The following HSD11B1 variants were observed in gnomAD, a reference collection of about 807,000 sequenced individuals.
The protein encoded by HSD11B1 is 11-beta-hydroxysteroid dehydrogenase 1.
Under a neutral mutation model 22.1 loss-of-function variants are expected in HSD11B1, and 15 were observed. The ratio of observed to expected loss-of-function variants is 0.68; its 90% CI spans 0.45 to 1.04. The LOEUF (loss-of-function observed/expected upper bound fraction) is 1.04, where lower values mean the gene tolerates loss of function less well. Ranked by LOEUF, HSD11B1 falls within the 50% of genes least tolerant of loss-of-function variation. HSD11B1 has a pLI of 0.00. For missense variants in HSD11B1, 281 were observed against 357.6 expected (o/e 0.79, Z 1.73); for synonymous variants, 122 against 125.2 (o/e 0.97, Z 0.17).
intron 1 of HSD11B1, among the ~76,000 whole-genome samples, chr1:209,695,455 G>T (rs1338161194): frequency 6.6e-6 from 1 of 152,164 alleles, no homozygotes; most frequent in Non-Finnish European, 1.5e-5. Context: ...TTGAAATAGA[G>T]ATCAATGGGA....
At chr1:209,724,404 G>A (rs953074650) in intron 4 of HSD11B1, among the ~76,000 whole-genome samples, 1 of 152,184 alleles carries the variant, frequency 6.6e-6, no homozygotes, top group Non-Finnish European at 1.5e-5. Flanking sequence ...TGGCCTCCCA[G>A]TGTCAGCCCC....
At chr1:209,698,199 A>C (rs2076804807) in intron 1 of HSD11B1, among the ~76,000 whole-genome samples, 2 of 151,628 alleles carry the variant, frequency 1.3e-5, no homozygotes, top group South Asian at 4.2e-4. Context: ...AGATAGATAG[A>C]TAGATAGATA....
chr1:209,713,446 G>A (rs2076911064), intron 4 of HSD11B1, among the ~76,000 whole-genome samples: 1 of 152,156 alleles, frequency 6.6e-6, no homozygotes, highest in Non-Finnish European at 1.5e-5. Context: ...AAGTTGTTGG[G>A]TGTGTTGTTT....
At chr1:209,721,128 G>A (rs142555180) in intron 4 of HSD11B1, among the ~76,000 whole-genome samples, 264 of 152,296 alleles carry the variant, frequency 1.7e-3, no homozygotes, top group African/African-American at 5.9e-3. Flanking sequence ...AGAGTCTTTG[G>A]GGGGAATGCG....
In HSD11B1 at chr1:209,704,954, G is replaced by GA. The variant is rs1476574134; in HGVS notation, c.18dup (p.Tyr7IlefsTer125). ...CAGCTCCCTGTCGGATGGCTTTTAT[G>GA]AAAAAATATCTCCTCCCCATTCTGG... On this transcript the variant is annotated frameshift_variant, in exon 1 of 6. Coordinates refer to ENST00000367027, the MANE Select transcript of HSD11B1 (RefSeq NM_005525.4). LOFTEE classifies it high-confidence loss of function. The GA allele has an allele frequency of 6.2e-7, 1 of 1,613,700 alleles. No homozygotes were observed. Among genetic ancestry groups the GA allele is most frequent in the Non-Finnish European group, 8.5e-7 (1 of 1,179,714 alleles).
intron 4 of HSD11B1, among the ~76,000 whole-genome samples, chr1:209,731,367 G>GT (rs1445407246): frequency 1.3e-5 from 2 of 151,814 alleles, no homozygotes; most frequent in Non-Finnish European, 2.9e-5. Flanking sequence ...ACCCTGCAAT[G>GT]TATCATTCAC....
chr1:209,717,148 A>T (rs564805071), intron 4 of HSD11B1, among the ~76,000 whole-genome samples: 2 of 152,338 alleles, frequency 1.3e-5, no homozygotes, highest in South Asian at 2.1e-4. Context: ...TTTGCAAAAT[A>T]TTCATGCGAC....
intron 4 of HSD11B1, among the ~76,000 whole-genome samples, chr1:209,722,657 G>A (rs2076973757): frequency 6.6e-6 from 1 of 152,136 alleles, no homozygotes; most frequent in Non-Finnish European, 1.5e-5. Flanking sequence ...CTCAACTGAG[G>A]AAGGATTTTT....
upstream of HSD11B1, among the ~76,000 whole-genome samples, chr1:209,702,848 G>T (rs1461162582): frequency 1.3e-5 from 2 of 152,174 alleles, no homozygotes; most frequent in African/African-American, 4.8e-5. Flanking sequence ...ATTACACAGT[G>T]TCCTTGTTTC....
At chr1:209,729,637 T>C (rs1264427613) in intron 4 of HSD11B1, among the ~76,000 whole-genome samples, 1 of 151,932 alleles carries the variant, frequency 6.6e-6, no homozygotes, top group Non-Finnish European at 1.5e-5. Context: ...CTTTTAAGGA[T>C]GTGTCCCAAC....
chr1:209,730,641 A>G (rs1243695139), intron 4 of HSD11B1, among the ~76,000 whole-genome samples: 1 of 152,236 alleles, frequency 6.6e-6, no homozygotes, highest in Non-Finnish European at 1.5e-5. Flanking sequence ...ACTATTTACT[A>G]TCATTTTCCA....
At chr1:209,728,031 AAAGGCTCTTTG>A (rs2102398074) in intron 4 of HSD11B1, among the ~76,000 whole-genome samples, 1 of 152,374 alleles carries the variant, frequency 6.6e-6, no homozygotes, top group South Asian at 2.1e-4. Flanking sequence ...CTAGAAAGAT[AAAGGCTCTTTG>A]AAGGGGATGA....
chr1:209,722,213 T>A (rs1192109260), intron 4 of HSD11B1, among the ~76,000 whole-genome samples: 1 of 152,204 alleles, frequency 6.6e-6, no homozygotes, highest in Non-Finnish European at 1.5e-5. Flanking sequence ...ACAGGCCCCA[T>A]ACCTGCATAG....
chr1:209,687,188 T>C (rs371289423), intron 1 of HSD11B1, among the ~76,000 whole-genome samples: 23 of 152,374 alleles, frequency 1.5e-4, no homozygotes, highest in African/African-American at 5.3e-4. Context: ...ACGACGATGA[T>C]GTGTTTTCAC....
intron 4 of HSD11B1, among the ~76,000 whole-genome samples, chr1:209,713,981 G>A (rs1414089514): frequency 6.6e-6 from 1 of 152,126 alleles, no homozygotes; most frequent in Non-Finnish European, 1.5e-5. Context: ...TGTCTGAGAA[G>A]TTTATTCTAT....
At chr1:209,721,038 G>A (rs1571882160) in intron 4 of HSD11B1, among the ~76,000 whole-genome samples, 2 of 152,150 alleles carry the variant, frequency 1.3e-5, no homozygotes, top group East Asian at 1.9e-4. Flanking sequence ...TGTAAAGATG[G>A]AAAGTAGAGA....
In HSD11B1 at chr1:209,706,949, T is replaced by C. The variant is rs1448887285; in HGVS notation, c.338T>C (p.Leu113Pro). Residue 113 changes from leucine to proline, a missense_variant, in exon 4 of 6, where the codon CTA becomes CCA. Physicochemically the swap from Leu to Pro is moderately conservative, Grantham distance 98. Coordinates refer to ENST00000367027, the MANE Select transcript of HSD11B1 (RefSeq NM_005525.4). This position sits in a 1 kb window ranked among gnomAD's most constrained non-coding sequence, Gnocchi z 4.0. ...ATATAGCCATCTCTTGCAGGAGGAC[T>C]AGACATGCTCATTCTCAACCACATC... ...VAQAGKLMGGLDMLILNHITN... is the reference protein window; with the variant it reads ...VAQAGKLMGGPDMLILNHITN... 1 of 1,613,942 alleles carries C rather than the reference T, an allele frequency of 6.2e-7. No homozygotes were observed.
chr1:209,730,182 T>A (rs2077027001), intron 4 of HSD11B1, among the ~76,000 whole-genome samples: 1 of 152,136 alleles, frequency 6.6e-6, no homozygotes, highest in Non-Finnish European at 1.5e-5. Context: ...AAGAAAGAAG[T>A]CAAAAACCTC....
At chr1:209,715,027 G>A (rs949749121) in intron 4 of HSD11B1, among the ~76,000 whole-genome samples, 1 of 152,212 alleles carries the variant, frequency 6.6e-6, no homozygotes, top group Non-Finnish European at 1.5e-5. Flanking sequence ...GCCCGACATA[G>A]GGTAAAGAAG....
Sources: allele counts gnomAD v4.1 joint callset (sites outside exome capture counted in the v4.1 genomes callset), GRCh38; gene constraint gnomAD v4.1.1; non-coding constraint Gnocchi (gnomAD v3.1); transcripts MANE v1.5; gene names NCBI Gene and HGNC (gene_info 2026-07-23, HGNC 2026-07-21).